KMT2C: variants seen among roughly 807,000 people sequenced by gnomAD.
KMT2C encodes the protein histone-lysine N-methyltransferase 2C.
KMT2C carries 88 observed loss-of-function variants against 507.9 expected under a neutral mutation model. The observed-to-expected ratio is 0.17, with a 90% confidence interval of 0.15 to 0.21. The LOEUF (loss-of-function observed/expected upper bound fraction) is 0.21, where lower values mean the gene tolerates loss of function less well. KMT2C is among the 10% of genes least tolerant of loss of function. The pLI is 1.00. For synonymous variants in KMT2C, 2,049 were observed against 2,080.8 expected (o/e 0.98, Z 0.42); for missense variants, 4,954 against 5,957.8 (o/e 0.83, Z 5.55).
intron 34 of KMT2C, among the ~76,000 whole-genome samples, chr7:152,185,275 A>C (rs1447366420): frequency 1.3e-5 from 2 of 152,304 alleles, no homozygotes; most frequent in Middle Eastern, 3.4e-3. Flanking sequence ...ACCTCTGCTG[A>C]AGAGATAAAA....
intron 1 of KMT2C, among the ~76,000 whole-genome samples, chr7:152,382,716 T>C: frequency 6.6e-6 from 1 of 152,306 alleles, no homozygotes. Flanking sequence ...CTGGTAAGAG[T>C]ATAAATTGGT....
intron 25 of KMT2C, among the ~76,000 whole-genome samples, chr7:152,203,927 C>T (rs2094219610): frequency 6.6e-6 from 1 of 152,122 alleles, no homozygotes; most frequent in African/African-American, 2.4e-5. Context: ...AAAGTAAAAG[C>T]TCTCCGAAAT....
intron 14 of KMT2C, among the ~76,000 whole-genome samples, chr7:152,239,406 CTCTT>C (rs747820354): frequency 6.6e-5 from 10 of 152,188 alleles, no homozygotes; most frequent in South Asian, 2.1e-4. Flanking sequence ...CATTTAATCA[CTCTT>C]TCTTCAGTGA....
At chr7:152,228,512 G>A (rs1427226639) in intron 18 of KMT2C, among the ~76,000 whole-genome samples, 1 of 152,162 alleles carries the variant, frequency 6.6e-6, no homozygotes, top group African/African-American at 2.4e-5. Context: ...CGTGCAAAAG[G>A]AACCATACAT....
intron 1 of KMT2C, among the ~76,000 whole-genome samples, chr7:152,364,575 C>A (rs886561275): frequency 6.2e-5 from 9 of 146,080 alleles, no homozygotes; most frequent in African/African-American, 2.2e-4. Flanking sequence ...CACCACTGCA[C>A]TCCAGCCTGG....
rs528198015 is a variant in KMT2C at position 152,277,269 on chromosome 7, A to C, written c.850-3402T>G. On this transcript the variant is annotated intron_variant, in intron 6 of 58. Transcript: ENST00000262189. ...TTTTAATCTTCACCAGTCTTTTTTT[A>C]GTATTAGGCAACTAGGATTCTCCCA... Among the ~76,000 whole-genome samples, 23 of 151,974 alleles carry C rather than the reference A, an allele frequency of 1.5e-4. No individual in the cohort carries two copies. In the South Asian group the frequency reaches 3.1e-3, roughly 21 times the overall value.
At position 152,150,880 on chromosome 7, in the gene KMT2C, T is replaced by A. The variant is rs1170764269; in HGVS notation, c.12774+20A>T. Reference sequence around the variant, plus strand: ...TCACTCGTTACACATTGTTATCAGCTGAGATTATCCTAATCTCACCTTGTT... The same window carrying A: ...TCACTCGTTACACATTGTTATCAGCAGAGATTATCCTAATCTCACCTTGTT... On this transcript the variant is annotated intron_variant, in intron 51 of 58. Coordinates refer to ENST00000262189, the MANE Select transcript of KMT2C (RefSeq NM_170606.3). 6.7e-7 allele frequency: 1 copy of A among 1,500,834 alleles called. No individual in the cohort carries two copies. The highest frequency in any genetic ancestry group is 9.3e-7 in the Non-Finnish European group (1 of 1,077,406). The allele number at this position is 1,500,834 out of a possible 1,614,324, so 93.0% of individuals were successfully genotyped here.
intron 9 of KMT2C, among the ~76,000 whole-genome samples, chr7:152,262,146 T>A (rs993362543): frequency 6.6e-6 from 1 of 151,826 alleles, no homozygotes; most frequent in African/African-American, 2.4e-5. Context: ...CTCCACCTCC[T>A]CCCCCAGCTG....
At chr7:152,332,907 ACAC>A (rs1050010661) in intron 2 of KMT2C, among the ~76,000 whole-genome samples, 11 of 149,564 alleles carry the variant, frequency 7.4e-5, no homozygotes, top group Non-Finnish European at 1.6e-4. Flanking sequence ...ATTCTCGTCA[ACAC>A]CACCAATAGA....
chr7:152,201,345 G>T (rs897674864), intron 26 of KMT2C, among the ~76,000 whole-genome samples: 2 of 150,710 alleles, frequency 1.3e-5, no homozygotes, highest in Non-Finnish European at 3.0e-5. Context: ...GAAAGTTACT[G>T]ATGTGCAACA....
At chr7:152,231,363 T>C (rs1292293734) in intron 16 of KMT2C, among the ~76,000 whole-genome samples, 3 of 152,244 alleles carry the variant, frequency 2.0e-5, no homozygotes, top group African/African-American at 7.2e-5. Context: ...AATCATAAAA[T>C]ACAATCCTCT....
rs183307944 is a variant in KMT2C, at chr7:152,401,379, C to T, written c.161+34247G>A. ...ACAGGTGTGAGCCACCACGTCCAGC[C>T]CATTAACTTTCAAGTATTAAAGTCA... On this transcript the variant is annotated intron_variant, in intron 1 of 58. Coordinates refer to ENST00000262189, the MANE Select transcript of KMT2C (RefSeq NM_170606.3). Among the ~76,000 whole-genome samples, 327 of 152,046 alleles carry T rather than the reference C, an allele frequency of 2.2e-3. 3 individuals carry two copies. Among genetic ancestry groups the T allele is most frequent in the Middle Eastern group, 0.01 (3 of 292 alleles).
At position 152,149,638 on chromosome 7, in the gene KMT2C, G is replaced by T. The variant is rs140240371; in HGVS notation, c.12775-486C>A. On this transcript the variant is annotated intron_variant, in intron 51 of 58. Coordinates refer to ENST00000262189, the MANE Select transcript of KMT2C (RefSeq NM_170606.3). ...TGTTAATCTCAGCCTTAATCAATTG[G>T]TGTAAATGTTACAGAAAGGGAAGGA... is the stretch of plus-strand genomic sequence containing the variant. Among the ~76,000 whole-genome samples, 6 of 152,232 alleles carry T rather than the reference G, an allele frequency of 3.9e-5. No individual in the cohort carries two copies. The East Asian group carries it at 1.2e-3, about 29-fold the overall frequency.
chr7:152,386,375 G>A (rs2097426689), intron 1 of KMT2C, among the ~76,000 whole-genome samples: 1 of 152,310 alleles, frequency 6.6e-6, no homozygotes, highest in Non-Finnish European at 1.5e-5. Context: ...CGGACCTGGA[G>A]AGGTGAAAAG....
chr7:152,298,239 A>T (rs1368491380), intron 6 of KMT2C, among the ~76,000 whole-genome samples: 1 of 152,192 alleles, frequency 6.6e-6, no homozygotes, highest in Non-Finnish European at 1.5e-5. Context: ...AAAATACTTG[A>T]AGAAACAACT....
chr7:152,222,170 A>G (rs1563461262), intron 21 of KMT2C, 104 bp from the exon 22 acceptor site: 8 of 744,746 alleles, frequency 1.1e-5, no homozygotes, highest in Non-Finnish European at 1.7e-5. Flanking sequence ...TCATTTTATT[A>G]AAATAAATGT....
chr7:152,331,337 G>T (rs545668722), intron 2 of KMT2C, among the ~76,000 whole-genome samples: 1 of 151,884 alleles, frequency 6.6e-6, no homozygotes, highest in Non-Finnish European at 1.5e-5. Context: ...CTTATTTTTG[G>T]CCAGGTGTAG....
chr7:152,368,405 A>C (rs2097264636), intron 1 of KMT2C: 3 of 1,132,288 alleles, frequency 2.6e-6, no homozygotes, highest in Admixed American at 2.0e-5. Flanking sequence ...AAAATGAAGA[A>C]GATAGAGATG....
At chr7:152,429,899 G>A (rs1415951593) in intron 1 of KMT2C, among the ~76,000 whole-genome samples, 25 of 151,802 alleles carry the variant, frequency 1.6e-4, no homozygotes, top group African/African-American at 5.8e-4. Context: ...AATCTCAGCC[G>A]GGCGTGGTGG....
Sources: allele counts gnomAD v4.1 joint callset (sites outside exome capture counted in the v4.1 genomes callset), GRCh38; gene constraint gnomAD v4.1.1; transcripts MANE v1.5; gene names NCBI Gene and HGNC (gene_info 2026-07-23, HGNC 2026-07-21).